The following FHIT variants were observed in gnomAD, a reference collection of about 807,000 sequenced individuals.
FHIT encodes the protein bis(5'-adenosyl)-triphosphatase.
A neutral mutation model predicts 17.9 loss-of-function variants in FHIT; 19 were observed. The ratio of observed to expected loss-of-function variants is 1.06; its 90% CI spans 0.74 to 1.56. FHIT has a LOEUF of 1.56. FHIT is among the 40% of genes most tolerant of loss of function. FHIT has a pLI of 0.00. For synonymous variants in FHIT, 81 were observed against 69.7 expected (o/e 1.16, Z -0.81); for missense variants, 248 against 189.2 (o/e 1.31, Z -1.82).
At chr3:60,685,574 G>A (rs2040843817) in intron 4 of FHIT, among the ~76,000 whole-genome samples, 1 of 152,104 alleles carries the variant, frequency 6.6e-6, no homozygotes, top group Non-Finnish European at 1.5e-5. Flanking sequence ...TGACATATGG[G>A]CCAGTAAGGG....
intron 5 of FHIT, among the ~76,000 whole-genome samples, chr3:60,130,792 T>C (rs909928361): frequency 1.7e-4 from 17 of 102,872 alleles, no homozygotes; most frequent in African/African-American, 3.9e-4. Flanking sequence ...GTGGTGTGTA[T>C]ATACACACAT....
chr3:59,937,030 C>T lies in FHIT; in HGVS notation c.280-14616G>A, dbSNP rs112625972. Among the ~76,000 whole-genome samples, 128 of 152,274 alleles carry T rather than the reference C, an allele frequency of 8.4e-4. 1 individual carries two copies. Among genetic ancestry groups the T allele is most frequent in the African/African-American group, 2.9e-3 (122 of 41,562 alleles). ...AGACAGACAAATGGTTTGATTAAAA[C>T]GGTCACCCCAAAGTAACTGAATTCA... is the stretch of plus-strand genomic sequence containing the variant. On this transcript the variant is annotated intron_variant, in intron 7 of 9. Transcript: ENST00000492590.
At chr3:60,006,520 C>A (rs1330451924) in intron 7 of FHIT, among the ~76,000 whole-genome samples, 1 of 152,070 alleles carries the variant, frequency 6.6e-6, no homozygotes, top group East Asian at 1.9e-4. Flanking sequence ...GGGATTTGAA[C>A]TGGGGTGGAC....
At chr3:59,978,755 A>T (rs955444850) in intron 7 of FHIT, among the ~76,000 whole-genome samples, 1 of 151,060 alleles carries the variant, frequency 6.6e-6, no homozygotes, top group Non-Finnish European at 1.5e-5. Flanking sequence ...CAGCTCCCCA[A>T]AGCCCATACA....
intron 3 of FHIT, among the ~76,000 whole-genome samples, chr3:60,953,252 C>T (rs4571197): frequency 6.6e-6 from 1 of 151,918 alleles, no homozygotes; most frequent in African/African-American, 2.4e-5. Context: ...TTTATACTGT[C>T]GTAATCTGTT....
At chr3:59,995,243 G>A in intron 7 of FHIT, among the ~76,000 whole-genome samples, 1 of 151,868 alleles carries the variant, frequency 6.6e-6, no homozygotes, top group South Asian at 2.1e-4. Context: ...AAATTTAAAA[G>A]TTAACTTCAA....
At chr3:61,050,703 A>T (rs1344218966) in intron 2 of FHIT, among the ~76,000 whole-genome samples, 1 of 152,240 alleles carries the variant, frequency 6.6e-6, no homozygotes, top group Non-Finnish European at 1.5e-5. Context: ...ATTGATAATT[A>T]TTAAAGCTGG....
At chr3:60,286,176 G>C (rs1707719756) in intron 5 of FHIT, among the ~76,000 whole-genome samples, 1 of 152,188 alleles carries the variant, frequency 6.6e-6, no homozygotes, top group African/African-American at 2.4e-5. Context: ...TCCTGATAGT[G>C]TATGACAAGA....
At chr3:60,435,597 T>C (rs1660179754) in intron 5 of FHIT, among the ~76,000 whole-genome samples, 1 of 152,010 alleles carries the variant, frequency 6.6e-6, no homozygotes, top group South Asian at 2.1e-4. Flanking sequence ...CTTTTCAGGG[T>C]GAAGATAAAT....
chr3:60,962,491 G>T (rs1483855331), intron 3 of FHIT, among the ~76,000 whole-genome samples: 1 of 152,182 alleles, frequency 6.6e-6, no homozygotes, highest in African/African-American at 2.4e-5. Flanking sequence ...GTGAAAGAGG[G>T]CATCTCTGTC....
intron 5 of FHIT, among the ~76,000 whole-genome samples, chr3:60,400,230 G>A (rs1011139149): frequency 6.6e-6 from 1 of 152,146 alleles, no homozygotes; most frequent in African/African-American, 2.4e-5. Flanking sequence ...AGATACTATA[G>A]CAGGGTAAGA....
chr3:60,454,384 CTT>C (rs111674048), intron 5 of FHIT, among the ~76,000 whole-genome samples: 1 of 144,150 alleles, frequency 6.9e-6, no homozygotes, highest in Admixed American at 7.0e-5. Flanking sequence ...TTTAACCAAA[CTT>C]TTTTTTTTTT....
chr3:60,319,013 ACCTTCCTCCTG>A (rs1709294310), intron 5 of FHIT, among the ~76,000 whole-genome samples: 1 of 151,852 alleles, frequency 6.6e-6, no homozygotes, highest in East Asian at 1.9e-4. Flanking sequence ...TCTGATTCTG[ACCTTCCTCCTG>A]CCTTCCTCTT....
At chr3:60,934,939 G>T (rs1218614763) in intron 3 of FHIT, among the ~76,000 whole-genome samples, 1 of 152,154 alleles carries the variant, frequency 6.6e-6, no homozygotes, top group African/African-American at 2.4e-5. Flanking sequence ...GCCCCTCCTG[G>T]CTCCATTTTC....
At chr3:60,708,975 A>G (rs2041446337) in intron 4 of FHIT, among the ~76,000 whole-genome samples, 1 of 152,182 alleles carries the variant, frequency 6.6e-6, no homozygotes, top group African/African-American at 2.4e-5. Context: ...GGGTTTCTAT[A>G]GCGCATTGCA....
At chr3:60,544,228 G>A (rs1481053197) in intron 4 of FHIT, among the ~76,000 whole-genome samples, 2 of 151,858 alleles carry the variant, frequency 1.3e-5, no homozygotes, top group East Asian at 1.9e-4. Context: ...CTGACCTTAA[G>A]AGGGCTGAGT....
chr3:61,128,183 T>A (rs961187977), intron 2 of FHIT, among the ~76,000 whole-genome samples: 13 of 152,048 alleles, frequency 8.5e-5, no homozygotes, highest in Admixed American at 7.9e-4. Context: ...AAGAAAGAGA[T>A]AAACTCCAGC....
At chr3:60,343,874 T>C (rs909606073) in intron 5 of FHIT, among the ~76,000 whole-genome samples, 16 of 152,182 alleles carry the variant, frequency 1.1e-4, no homozygotes, top group Non-Finnish European at 2.1e-4. Flanking sequence ...TAGAATTCCA[T>C]GAAGCATGCT....
At chr3:59,827,720 C>T (rs1440994813) in intron 8 of FHIT, among the ~76,000 whole-genome samples, 1 of 152,204 alleles carries the variant, frequency 6.6e-6, no homozygotes, top group African/African-American at 2.4e-5. Flanking sequence ...AGGGTCTTAA[C>T]CACTGTGTGA....
Sources: gnomAD v4.1 joint callset for allele counts (sites outside exome capture counted in the v4.1 genomes callset) on GRCh38, gnomAD v4.1.1 for gene constraint, MANE v1.5 for transcripts, NCBI Gene and HGNC (gene_info 2026-07-23, HGNC 2026-07-21) for gene names.